The following OXR1 variants were observed in gnomAD, a reference collection of about 807,000 sequenced individuals.
The protein encoded by OXR1 is oxidation resistance 1, also known as oxidation resistance protein 1.
OXR1 carries 41 observed loss-of-function variants against 104.6 expected under a neutral mutation model. That is an observed-to-expected ratio of 0.39 (90% CI 0.31 to 0.51). The LOEUF (loss-of-function observed/expected upper bound fraction) is 0.51, where lower values mean the gene tolerates loss of function less well. Among genes scored for constraint, OXR1 ranks in the 20% least tolerant of loss-of-function variants. OXR1 has a pLI of 0.77. For synonymous variants in OXR1, 348 were observed against 348.4 expected (o/e 1.00, Z 0.01); for missense variants, 955 against 1,031.9 (o/e 0.93, Z 1.02).
chr8:106,481,966 C>T (rs1368151501), intron 2 of OXR1, among the ~76,000 whole-genome samples: 1 of 151,840 alleles, frequency 6.6e-6, no homozygotes, highest in African/African-American at 2.4e-5. Flanking sequence ...ATACTGTTAT[C>T]AGAAAATTGG....
chr8:106,451,923 G>T (rs564342561), intron 2 of OXR1, among the ~76,000 whole-genome samples: 1 of 152,298 alleles, frequency 6.6e-6, no homozygotes, highest in South Asian at 2.1e-4. Flanking sequence ...GTAACAGCAG[G>T]AACGCTGCTA....
intron 3 of OXR1, among the ~76,000 whole-genome samples, chr8:106,588,471 A>C (rs1041516722): frequency 6.6e-6 from 1 of 150,598 alleles, no homozygotes; most frequent in Non-Finnish European, 1.5e-5. Context: ...TATGTGCAAG[A>C]AATTCATATA....
chr8:106,303,005 G>A (rs528906614), intron 1 of OXR1, among the ~76,000 whole-genome samples: 13 of 151,776 alleles, frequency 8.6e-5, no homozygotes, highest in Non-Finnish European at 1.9e-4. Flanking sequence ...CATCCGCCTT[G>A]GCCTCCCAAA....
intron 2 of OXR1, among the ~76,000 whole-genome samples, chr8:106,499,473 C>T (rs2129934575): frequency 6.6e-6 from 1 of 152,210 alleles, no homozygotes; most frequent in Admixed American, 6.5e-5. Context: ...TCTATGTTGA[C>T]AGCAGTACAA....
intron 1 of OXR1, among the ~76,000 whole-genome samples, chr8:106,347,325 C>T (rs1462325817): frequency 6.6e-6 from 1 of 152,156 alleles, no homozygotes; most frequent in African/African-American, 2.4e-5. Context: ...GCAATATGCC[C>T]TAACAAATAA....
At chr8:106,587,357 A>G (rs1455976936) in intron 3 of OXR1, among the ~76,000 whole-genome samples, 3 of 152,298 alleles carry the variant, frequency 2.0e-5, no homozygotes, top group African/African-American at 7.2e-5. Flanking sequence ...CAGGGAAAGA[A>G]CAAATGGCGT....
intron 2 of OXR1, among the ~76,000 whole-genome samples, chr8:106,379,539 T>TC (rs1563745634): frequency 7.3e-6 from 1 of 137,536 alleles, no homozygotes; most frequent in African/African-American, 2.8e-5. Flanking sequence ...CTTTCTTTCT[T>TC]TTTTTTTTTT....
intron 11 of OXR1, among the ~76,000 whole-genome samples, chr8:106,715,536 C>A (rs776956): frequency 6.6e-6 from 1 of 151,166 alleles, no homozygotes; most frequent in Non-Finnish European, 1.5e-5. Flanking sequence ...ATCAAAGATA[C>A]GTACCTAACT....
In OXR1 at chr8:106,751,456, C is replaced by T. The variant is rs1230442363; in HGVS notation, c.*515C>T. On this transcript the variant is annotated 3_prime_UTR_variant, in exon 17 of 17. Transcript: ENST00000517566. ...GCCAAAATAATACATACTTCATAGA[C>T]CACTGAGTTCTAGTTTTTATTCACA... The T allele has an allele frequency of 6.6e-6, 1 of 152,544 alleles. No homozygotes were observed. Among genetic ancestry groups the T allele is most frequent in the Non-Finnish European group, 1.5e-5 (1 of 68,022 alleles). The allele number at this position is 152,544 out of a possible 1,614,324, so 9.4% of individuals were successfully genotyped here. A position where few individuals can be genotyped will look rare whatever the true frequency, so the allele number is the denominator to read the frequency against.
chr8:106,585,585 A>G (rs1186865603), intron 3 of OXR1, among the ~76,000 whole-genome samples: 3 of 152,172 alleles, frequency 2.0e-5, no homozygotes, highest in Non-Finnish European at 4.4e-5. Context: ...CAAAAACTAT[A>G]TAAATGAACA....
chr8:106,721,027 G>C (rs541492846), intron 11 of OXR1, among the ~76,000 whole-genome samples: 1 of 152,090 alleles, frequency 6.6e-6, no homozygotes, highest in South Asian at 2.1e-4. Flanking sequence ...TTACATGCTG[G>C]ACAATATCAG....
At chr8:106,274,901 C>A (rs1051923062) in intron 1 of OXR1, among the ~76,000 whole-genome samples, 1 of 152,182 alleles carries the variant, frequency 6.6e-6, no homozygotes, top group South Asian at 2.1e-4. Flanking sequence ...CATTGGACTA[C>A]GTGAAAACCC....
chr8:106,704,393 C>CTTTTTTTTTTTTT lies in OXR1; in HGVS notation c.860+1322_860+1334dup, dbSNP rs71307084. 1.1e-3 allele frequency among the ~76,000 whole-genome samples: 53 copies of CTTTTTTTTTTTTT among 47,876 alleles called. 1 individual carries two copies. The highest frequency in any genetic ancestry group is 1.3e-3 in the East Asian group (2 of 1,584). The allele number at this position is 47,876 out of a possible 152,430, so 31.4% of individuals were successfully genotyped here. ...TTTTTCTTTTTCTTTCTTTCTTCTT[C>CTTTTTTTTTTTTT]TTTTTTTTTTTTTTTTTTTTTTTTT... On this transcript the variant is annotated intron_variant, in intron 8 of 16. Coordinates refer to ENST00000517566, the MANE Select transcript of OXR1 (RefSeq NM_001198533.2).
At chr8:106,412,203 A>G (rs1230248899) in intron 2 of OXR1, among the ~76,000 whole-genome samples, 1 of 151,722 alleles carries the variant, frequency 6.6e-6, no homozygotes, top group East Asian at 1.9e-4. Context: ...TTTTCTGATC[A>G]CTTTCACTCT....
chr8:106,442,834 T>C (rs1401576769), intron 2 of OXR1, among the ~76,000 whole-genome samples: 2 of 152,194 alleles, frequency 1.3e-5, no homozygotes, highest in African/African-American at 4.8e-5. Context: ...TATCGGTCTA[T>C]CTATTTTGTT....
intron 2 of OXR1, among the ~76,000 whole-genome samples, chr8:106,371,450 T>C (rs887796826): frequency 6.6e-6 from 1 of 152,214 alleles, no homozygotes; most frequent in Non-Finnish European, 1.5e-5. Context: ...TGGATTAGTT[T>C]GCTCTTGCCT....
intron 2 of OXR1, among the ~76,000 whole-genome samples, chr8:106,504,872 A>G (rs1200606389): frequency 6.6e-6 from 1 of 152,156 alleles, no homozygotes; most frequent in Non-Finnish European, 1.5e-5. Flanking sequence ...TTAATGTATA[A>G]TATATTGCTT....
At chr8:106,747,449 T>G (rs1356256724) in intron 16 of OXR1, among the ~76,000 whole-genome samples, 2 of 152,242 alleles carry the variant, frequency 1.3e-5, no homozygotes, top group African/African-American at 4.8e-5. Context: ...GAATTCTGCC[T>G]GCAGTATCAT....
At chr8:106,356,412 T>G (rs13258382) in intron 1 of OXR1, among the ~76,000 whole-genome samples, 70,250 of 151,954 alleles carry the variant, frequency 0.46, 16,427 homozygotes, top group African/African-American at 0.53. Context: ...AAACATTAAG[T>G]CTATCTTGGT....
Sources: allele counts gnomAD v4.1 joint callset (sites outside exome capture counted in the v4.1 genomes callset), GRCh38; gene constraint gnomAD v4.1.1; transcripts MANE v1.5; gene names NCBI Gene and HGNC (gene_info 2026-07-23, HGNC 2026-07-21).